Variants in SUGCT observed in about 807,000 individuals in gnomAD.
The protein encoded by SUGCT is succinyl-CoA:glutarate CoA-transferase.
SUGCT carries 41 observed loss-of-function variants against 55.0 expected under a neutral mutation model. That is an observed-to-expected ratio of 0.74 (90% CI 0.58 to 0.97). SUGCT has a LOEUF of 0.97. SUGCT is among the 50% of genes least tolerant of loss of function. The pLI is 0.00. For missense variants in SUGCT, 568 were observed against 547.8 expected (o/e 1.04, Z -0.37); for synonymous variants, 187 against 200.4 (o/e 0.93, Z 0.56).
intron 9 of SUGCT, among the ~76,000 whole-genome samples, chr7:40,366,606 A>G (rs573802442): frequency 1.3e-5 from 2 of 152,254 alleles, no homozygotes; most frequent in Non-Finnish European, 2.9e-5. Flanking sequence ...TGGGCGAAGG[A>G]TATGAACAGA....
chr7:40,308,661 A>G (rs889881232), intron 8 of SUGCT, among the ~76,000 whole-genome samples: 4 of 151,984 alleles, frequency 2.6e-5, no homozygotes, highest in African/African-American at 7.3e-5. Context: ...TCTTCACTGT[A>G]TGTAAGCTTT....
intron 9 of SUGCT, among the ~76,000 whole-genome samples, chr7:40,337,149 G>T (rs1382453017): frequency 6.6e-6 from 1 of 152,152 alleles, no homozygotes; most frequent in Non-Finnish European, 1.5e-5. Flanking sequence ...TACATTTGCT[G>T]AGGAGTGCTT....
At position 40,860,388 on chromosome 7, in the gene SUGCT, C is replaced by G. The variant is rs192063213; in HGVS notation, c.1226C>G (p.Thr409Arg). 6.2e-7 allele frequency: 1 copy of G among 1,613,890 alleles called. No homozygotes were observed. The highest frequency in any genetic ancestry group is 8.5e-7 in the Non-Finnish European group (1 of 1,179,880). ...RPPPLLGQHT[T>R]HILKEVLRYD... ...CCCCCGCTGCTCGGGCAGCACACAA[C>G]GCACATCCTGAAGGAGGTCCTGAGA... is the stretch of plus-strand genomic sequence containing the variant. The change falls in exon 14 of 14, where the codon ACG becomes AGG. Residue 409 changes from threonine (T) to arginine (R), a missense_variant. Physicochemically the swap from Thr to Arg is moderately conservative, Grantham distance 71. Transcript: ENST00000335693.
At chr7:40,950,157 G>A in the SUGCT span, among the ~76,000 whole-genome samples, 1 of 152,126 alleles carries the variant, frequency 6.6e-6, no homozygotes, top group Non-Finnish European at 1.5e-5. Flanking sequence ...AGTTCTCCTT[G>A]AAGAGGTCCT....
chr7:40,860,963 T>C (rs1794473066), downstream of SUGCT, among the ~76,000 whole-genome samples: 1 of 152,138 alleles, frequency 6.6e-6, no homozygotes, highest in Non-Finnish European at 1.5e-5. Flanking sequence ...CTGTGATTGA[T>C]TTTATACAGA....
rs149712524 is a variant in SUGCT at position 40,668,740 on chromosome 7, G to T, written c.1090-80694G>T. Among the ~76,000 whole-genome samples, 1,018 of 152,194 alleles carry T rather than the reference G, an allele frequency of 6.7e-3. 8 individuals are homozygous for T. Among genetic ancestry groups the T allele is most frequent in the African/African-American group, 0.022 (934 of 41,516 alleles). ...AATCTGGAAACCCTAATAGGCCATGGACAATGAAAGCTCCAAGAACACCAA... is the reference window on the plus strand; with the variant it reads ...AATCTGGAAACCCTAATAGGCCATGTACAATGAAAGCTCCAAGAACACCAA... On this transcript the variant is annotated intron_variant, in intron 12 of 13. Transcript: ENST00000335693.
intron 10 of SUGCT, among the ~76,000 whole-genome samples, chr7:40,455,563 A>G (rs1204514993): frequency 6.6e-6 from 1 of 152,220 alleles, no homozygotes; most frequent in African/African-American, 2.4e-5. Context: ...TATATTAATT[A>G]TGGACCAGTT....
chr7:40,609,374 G>A (rs1013905069), intron 12 of SUGCT, among the ~76,000 whole-genome samples: 5 of 151,846 alleles, frequency 3.3e-5, no homozygotes, highest in African/African-American at 1.2e-4. Context: ...AGACCATCCT[G>A]GCTAACACGG....
Position 40,567,481 on chromosome 7 carries a change from T to A in SUGCT, c.1089+71095T>A, listed in dbSNP as rs78098107. 6.8e-3 allele frequency among the ~76,000 whole-genome samples: 1,032 copies of A among 152,336 alleles called. 16 individuals carry two copies. The highest frequency in any genetic ancestry group is 0.023 in the African/African-American group (959 of 41,574). On this transcript the variant is annotated intron_variant, in intron 12 of 13. Transcript: ENST00000335693. ...ATTACCGCTCATTTTGGAACCATGC[T>A]GTAATCATCATAGGCCTAGATATTA...
intron 9 of SUGCT, among the ~76,000 whole-genome samples, chr7:40,411,671 G>C (rs539467455): frequency 1.3e-5 from 2 of 152,146 alleles, no homozygotes; most frequent in Admixed American, 6.5e-5. Context: ...CAACTATACA[G>C]TTAGATAGAA....
the SUGCT span, among the ~76,000 whole-genome samples, chr7:41,033,011 C>G: frequency 2.0e-5 from 3 of 152,204 alleles, no homozygotes; most frequent in African/African-American, 7.2e-5. Context: ...ATCCACCCAC[C>G]TTGGCCTTCC....
intron 1 of SUGCT, among the ~76,000 whole-genome samples, chr7:40,159,373 CGTT>C (rs1784043413): frequency 6.6e-6 from 1 of 151,518 alleles, no homozygotes. Context: ...TAATTGTTGT[CGTT>C]GTTTGTTTGT....
chr7:40,157,242 A>G (rs112278143), intron 1 of SUGCT, among the ~76,000 whole-genome samples: 5 of 151,882 alleles, frequency 3.3e-5, no homozygotes, highest in Non-Finnish European at 5.9e-5. Context: ...GATCCCAGGG[A>G]TCTTCCCCTT....
intron 6 of SUGCT, among the ~76,000 whole-genome samples, chr7:40,235,317 G>T (rs1193491613): frequency 1.3e-5 from 2 of 152,034 alleles, no homozygotes; most frequent in African/African-American, 2.4e-5. Flanking sequence ...GATTGTTTTT[G>T]AAAAAAATTT....
chr7:40,537,866 T>C (rs986082798), intron 12 of SUGCT, among the ~76,000 whole-genome samples: 1 of 152,218 alleles, frequency 6.6e-6, no homozygotes, highest in Admixed American at 6.5e-5. Flanking sequence ...AGCAAGAGAA[T>C]TGATGTTTCA....
chr7:40,674,856 A>G (rs1281331091), intron 12 of SUGCT, among the ~76,000 whole-genome samples: 1 of 152,072 alleles, frequency 6.6e-6, no homozygotes, highest in Non-Finnish European at 1.5e-5. Flanking sequence ...GATTTAGGAG[A>G]CAAAGATGAG....
In SUGCT at chr7:40,205,369, C is replaced by T. The variant is rs566612046; in HGVS notation, c.484+10309C>T. Among the ~76,000 whole-genome samples the T allele has an allele frequency of 1.2e-4, 18 of 151,840 alleles. No individual in the cohort carries two copies. In the South Asian group the frequency reaches 1.7e-3, roughly 14 times the overall value. On this transcript the variant is annotated intron_variant, in intron 6 of 13. Transcript: ENST00000335693. ...TAAAAGTGACAAAATTGGCCGGGCG[C>T]GGTGGCTCACGCCTGTAATCCCAGC... is the stretch of plus-strand genomic sequence containing the variant.
At chr7:40,200,718 T>C (rs1278212013) in intron 6 of SUGCT, among the ~76,000 whole-genome samples, 3 of 151,858 alleles carry the variant, frequency 2.0e-5, no homozygotes, top group Non-Finnish European at 4.4e-5. Context: ...TTAAAAGAAG[T>C]AGGATTTTTC....
chr7:40,135,071 C>T lies in SUGCT; in HGVS notation c.51C>T (p.Phe17=), dbSNP rs756784183. 7 of 1,560,544 alleles carry T rather than the reference C, an allele frequency of 4.5e-6. No individual in the cohort carries two copies. In the South Asian group the frequency reaches 7.1e-5, roughly 16 times the overall value. ...CAGCTCTGCGCAGAACCTGCCTCTT[C>T]TCCGGCCGGGGCGGCGGGAGGGGGC... ...RVAALRRTCL[F]SGRGGGRGLW... is the part of the protein sequence containing the mutation. Residue 17 remains phenylalanine, a synonymous_variant, in exon 1 of 14, where the codon TTC becomes TTT. Coordinates refer to ENST00000335693, the MANE Select transcript of SUGCT (RefSeq NM_001193313.2).
Sources: allele counts gnomAD v4.1 joint callset (sites outside exome capture counted in the v4.1 genomes callset), GRCh38; gene constraint gnomAD v4.1.1; transcripts MANE v1.5; gene names NCBI Gene and HGNC (gene_info 2026-07-23, HGNC 2026-07-21).